Variants in CHL1 observed in about 807,000 individuals in gnomAD.
The protein encoded by CHL1 is cell adhesion molecule L1 like.
Under a neutral mutation model 141.9 loss-of-function variants are expected in CHL1, and 96 were observed. The ratio of observed to expected loss-of-function variants is 0.68; its 90% CI spans 0.57 to 0.80. CHL1 has a LOEUF of 0.80. Ranked by LOEUF, CHL1 falls within the 30% of genes least tolerant of loss-of-function variation. CHL1 has a pLI of 0.00. For synonymous variants in CHL1, 613 were observed against 502.2 expected, an observed-to-expected ratio of 1.22 and a Z score of -2.95; for missense variants, 1,820 against 1,457.2, an observed-to-expected ratio of 1.25 and a Z score of -4.05.
intron 19 of CHL1, among the ~76,000 whole-genome samples, chr3:388,462 G>A (rs1021050320): frequency 6.6e-6 from 1 of 151,314 alleles, no homozygotes; most frequent in Non-Finnish European, 1.5e-5. Context: ...AAAGAGAATC[G>A]CTTGCACCCG....
intron 1 of CHL1, among the ~76,000 whole-genome samples, chr3:207,614 T>C (rs1475685119): frequency 2.0e-5 from 3 of 152,236 alleles, no homozygotes; most frequent in Non-Finnish European, 4.4e-5. Context: ...TATATCTGCA[T>C]GAATAATAGG....
intron 2 of CHL1, among the ~76,000 whole-genome samples, chr3:261,545 T>C (rs1190502584): frequency 6.6e-6 from 1 of 152,162 alleles, no homozygotes; most frequent in East Asian, 1.9e-4. Context: ...CCTCAAAAAG[T>C]CACAAACTCA....
At chr3:379,058 G>T (rs138562744) in intron 16 of CHL1, among the ~76,000 whole-genome samples, 1 of 152,004 alleles carries the variant, frequency 6.6e-6, no homozygotes, top group South Asian at 2.1e-4. Flanking sequence ...TTTATCATAT[G>T]TCTACATTAA....
intron 2 of CHL1, among the ~76,000 whole-genome samples, chr3:278,798 T>C (rs1262287085): frequency 6.6e-6 from 1 of 152,216 alleles, no homozygotes. Flanking sequence ...TGAATGGCAG[T>C]CTGCACATCT....
chr3:297,560 A>T (rs1434515230), intron 2 of CHL1, among the ~76,000 whole-genome samples: 1 of 152,238 alleles, frequency 6.6e-6, no homozygotes, highest in Admixed American at 6.5e-5. Flanking sequence ...AATGGAGTAT[A>T]CAACATATTA....
At chr3:211,786 T>G (rs988233446) in intron 1 of CHL1, among the ~76,000 whole-genome samples, 7 of 152,190 alleles carry the variant, frequency 4.6e-5, no homozygotes, top group Admixed American at 3.9e-4. Context: ...ATGAATTTAG[T>G]TCTGTATTGG....
chr3:337,443 T>A (rs1183827965), intron 5 of CHL1, among the ~76,000 whole-genome samples: 1 of 152,036 alleles, frequency 6.6e-6, no homozygotes, highest in Non-Finnish European at 1.5e-5. Context: ...TGTATACGTG[T>A]GCCATGCTGG....
chr3:353,354 G>GA (rs1254323452), intron 10 of CHL1, among the ~76,000 whole-genome samples: 99 of 151,610 alleles, frequency 6.5e-4, no homozygotes, highest in African/African-American at 2.2e-3. Flanking sequence ...AAAATAACCA[G>GA]AAAAAAAGTA....
intron 1 of CHL1, among the ~76,000 whole-genome samples, chr3:219,018 G>A (rs1268312909): frequency 2.0e-5 from 3 of 152,030 alleles, no homozygotes; most frequent in Admixed American, 6.6e-5. Context: ...GCATGGTGGC[G>A]GGCACCTGTA....
Position 405,565 on chromosome 3 carries a change from G to A in CHL1, c.3529G>A (p.Ala1177Thr), listed in dbSNP as rs144507895. 144 of 1,613,394 alleles carry A rather than the reference G, an allele frequency of 8.9e-5. No homozygotes were observed. Among genetic ancestry groups the A allele is most frequent in the Non-Finnish European group, 1.2e-4 (141 of 1,179,564 alleles). ...LNRDMQPTES[A>T]DSLVEYGEGD... ...TAGGGATATGCAGCCTACTGAAAGTGCTGACAGCTTAGTCGAATACGGAGA... is the reference window on the plus strand; with the variant it reads ...TAGGGATATGCAGCCTACTGAAAGTACTGACAGCTTAGTCGAATACGGAGA... The change falls in exon 28 of 28, where the codon GCT becomes ACT. Residue 1177 changes from alanine to threonine, a missense_variant. Ala to Thr is a moderately conservative substitution (Grantham distance 58). Transcript: ENST00000256509.
At chr3:237,588 G>A (rs1692119274) in intron 1 of CHL1, among the ~76,000 whole-genome samples, 1 of 152,298 alleles carries the variant, frequency 6.6e-6, no homozygotes, top group African/African-American at 2.4e-5. Context: ...AAAGGCACAG[G>A]CCTTGAGGTT....
chr3:342,113 G>A, intron 7 of CHL1, 31 bp downstream of exon 7: 1 of 1,556,370 alleles, frequency 6.4e-7, no homozygotes, highest in Non-Finnish European at 8.8e-7. Flanking sequence ...GTTTCATCAT[G>A]TATGCTGAAT....
At chr3:205,541 A>T (rs1351494407) in intron 1 of CHL1, among the ~76,000 whole-genome samples, 2 of 152,226 alleles carry the variant, frequency 1.3e-5, no homozygotes, top group African/African-American at 4.8e-5. Context: ...GTTACCAGTT[A>T]TATTTTGAGA....
chr3:338,626 T>A (rs983346490), intron 5 of CHL1, among the ~76,000 whole-genome samples: 1 of 152,232 alleles, frequency 6.6e-6, no homozygotes, highest in Admixed American at 6.5e-5. Flanking sequence ...CATTTATATA[T>A]CTTCTAAAAC....
intron 2 of CHL1, among the ~76,000 whole-genome samples, chr3:309,498 TC>T (rs1699573277): frequency 1.3e-5 from 2 of 151,312 alleles, no homozygotes; most frequent in African/African-American, 2.4e-5. Context: ...TCTTTCTTTT[TC>T]TCCTTCCTCT....
chr3:269,291 G>T (rs1475902863), intron 2 of CHL1, among the ~76,000 whole-genome samples: 2 of 152,118 alleles, frequency 1.3e-5, no homozygotes, highest in African/African-American at 4.8e-5. Context: ...CAAGTGAAGG[G>T]CTCCAACTTA....
chr3:256,593 G>T (rs923421096), intron 2 of CHL1, among the ~76,000 whole-genome samples: 2 of 152,184 alleles, frequency 1.3e-5, no homozygotes, highest in African/African-American at 4.8e-5. Flanking sequence ...GCTGCTACAT[G>T]TTCTGCAACA....
intron 5 of CHL1, among the ~76,000 whole-genome samples, chr3:337,438 A>G (rs1051089882): frequency 4.6e-5 from 7 of 151,938 alleles, no homozygotes; most frequent in Non-Finnish European, 1.0e-4. Context: ...ACATATGTAT[A>G]CGTGTGCCAT....
At chr3:219,363 A>C (rs1318568033) in intron 1 of CHL1, among the ~76,000 whole-genome samples, 5 of 152,192 alleles carry the variant, frequency 3.3e-5, no homozygotes, top group Admixed American at 6.5e-5. Context: ...ATTATGTTAA[A>C]AAGACACATT....
Sources: allele counts gnomAD v4.1 joint callset (sites outside exome capture counted in the v4.1 genomes callset), GRCh38; gene constraint gnomAD v4.1.1; transcripts MANE v1.5; gene names NCBI Gene and HGNC (gene_info 2026-07-23, HGNC 2026-07-21).